Variants in VPS37A observed in about 807,000 individuals in gnomAD.
VPS37A encodes vacuolar protein sorting-associated protein 37A.
In VPS37A, 30 loss-of-function variants were observed where a neutral mutation model predicts 49.8. The ratio of observed to expected loss-of-function variants is 0.60; its 90% CI spans 0.45 to 0.82. VPS37A has a LOEUF of 0.82. Ranked by LOEUF, VPS37A falls within the 40% of genes least tolerant of loss-of-function variation. The pLI, the probability that VPS37A is intolerant of heterozygous loss-of-function variation, is 0.00. For synonymous variants in VPS37A, 195 were observed against 160.6 expected (o/e 1.21, Z -1.62); for missense variants, 593 against 464.4 (o/e 1.28, Z -2.55).
At chr8:17,273,427 CGCAATCTCGGCTCACT>C (rs1372893200) in intron 4 of VPS37A, among the ~76,000 whole-genome samples, 1 of 152,104 alleles carries the variant, frequency 6.6e-6, no homozygotes, top group Admixed American at 6.5e-5. Context: ...AGTGCAGTGG[CGCAATCTCGGCTCACT>C]GCAAGCTCGG....
At chr8:17,282,777 T>G (rs1002920042) in intron 9 of VPS37A, among the ~76,000 whole-genome samples, 6 of 151,974 alleles carry the variant, frequency 3.9e-5, no homozygotes, top group African/African-American at 1.4e-4. Flanking sequence ...AAACAATGAT[T>G]CCTAGGCTTC....
At chr8:17,309,168 G>A in the VPS37A span, 5 of 731,898 alleles carry the variant, frequency 6.8e-6, no homozygotes, top group Non-Finnish European at 9.4e-6. Context: ...TTCTGAATAA[G>A]AGACACAAAC....
intron 1 of VPS37A, chr8:17,247,966 G>A (rs1368579410): frequency 3.5e-6 from 2 of 579,458 alleles, no homozygotes; most frequent in Admixed American, 6.4e-5. Flanking sequence ...TTCTTTCATA[G>A]TCTTGTCCCC....
the VPS37A span, chr8:17,331,366 A>T: frequency 2.7e-5 from 37 of 1,376,726 alleles, no homozygotes; most frequent in Non-Finnish European, 3.6e-5. Context: ...ATGGATACCC[A>T]ATCAAAGCAT....
chr8:17,309,258 A>G, the VPS37A span: 1 of 1,439,182 alleles, frequency 6.9e-7, no homozygotes. Context: ...CATTCAAAAC[A>G]GTCTTAAATA....
the VPS37A span, chr8:17,311,620 C>T: frequency 1.2e-6 from 2 of 1,614,092 alleles, no homozygotes; most frequent in South Asian, 1.1e-5. Context: ...CACACTTGCC[C>T]CTTCCTCTGA....
chr8:17,292,801 A>G (rs748720726), intron 11 of VPS37A, among the ~76,000 whole-genome samples: 1 of 152,184 alleles, frequency 6.6e-6, no homozygotes, highest in African/African-American at 2.4e-5. Flanking sequence ...CTTCTGGCTT[A>G]TAGGGTTTCT....
chr8:17,265,805 T>G, intron 1 of VPS37A, 102 bp from the exon 2 acceptor site: 1 of 1,585,030 alleles, frequency 6.3e-7, no homozygotes, highest in Non-Finnish European at 8.6e-7. Context: ...ATTCTGTGAT[T>G]AAAAATAAAG....
chr8:17,307,373 AAGTC>A (rs1270327704), downstream of VPS37A, among the ~76,000 whole-genome samples: 2 of 152,206 alleles, frequency 1.3e-5, no homozygotes, highest in Admixed American at 6.5e-5. Flanking sequence ...GATCATTAAA[AAGTC>A]AGGAAACAAC....
chr8:17,271,530 C>T (rs377180191), intron 4 of VPS37A, among the ~76,000 whole-genome samples: 75 of 152,008 alleles, frequency 4.9e-4, no homozygotes, highest in South Asian at 2.1e-3. Context: ...GGCGTGAACC[C>T]GGGAGGAAGA....
intron 5 of VPS37A, among the ~76,000 whole-genome samples, chr8:17,275,178 G>A (rs1814398729): frequency 6.6e-6 from 1 of 152,162 alleles, no homozygotes. Context: ...TTTTGGTAGA[G>A]ACACAGTTAG....
At chr8:17,327,668 A>T in the VPS37A span, among the ~76,000 whole-genome samples, 18 of 152,126 alleles carry the variant, frequency 1.2e-4, no homozygotes, top group Admixed American at 8.5e-4. Context: ...TCTAAACCAA[A>T]TATATTATGT....
chr8:17,320,780 G>A, the VPS37A span, among the ~76,000 whole-genome samples: 8 of 152,062 alleles, frequency 5.3e-5, no homozygotes, highest in East Asian at 1.9e-4. Context: ...CTATGCACGC[G>A]GCCCTGAAAC....
chr8:17,306,832 CA>C (rs1208557070), downstream of VPS37A, among the ~76,000 whole-genome samples: 5 of 152,138 alleles, frequency 3.3e-5, no homozygotes, highest in African/African-American at 1.2e-4. Flanking sequence ...CTAGGCTAGC[CA>C]TATGTAGAAA....
intron 1 of VPS37A, among the ~76,000 whole-genome samples, chr8:17,250,642 AC>A (rs1585907909): frequency 6.6e-6 from 1 of 152,144 alleles, no homozygotes; most frequent in African/African-American, 2.4e-5. Context: ...TCCAACTCTT[AC>A]AATTTTTAAC....
At chr8:17,291,430 A>ATTT (rs34051181) in intron 11 of VPS37A, among the ~76,000 whole-genome samples, 2 of 129,032 alleles carry the variant, frequency 1.6e-5, no homozygotes, top group Admixed American at 7.8e-5. Context: ...GGATTCATTG[A>ATTT]TTTTTTTTTT....
chr8:17,259,894 C>G, intron 1 of VPS37A, among the ~76,000 whole-genome samples: 1 of 152,092 alleles, frequency 6.6e-6, no homozygotes, highest in Non-Finnish European at 1.5e-5. Context: ...GCTGCTCCTG[C>G]TCCTTTTGGT....
At chr8:17,311,386 C>A in the VPS37A span, 2 of 1,264,262 alleles carry the variant, frequency 1.6e-6, no homozygotes, top group African/African-American at 1.5e-5. Context: ...CCCCTTTAAT[C>A]TTGCTGAGCT....
chr8:17,332,360 C>A, the VPS37A span, among the ~76,000 whole-genome samples: 4 of 152,188 alleles, frequency 2.6e-5, no homozygotes, highest in Admixed American at 2.0e-4. Flanking sequence ...AGTACCAGCA[C>A]ATAAAAATAG....
Sources: allele counts gnomAD v4.1 joint callset (sites outside exome capture counted in the v4.1 genomes callset), GRCh38; gene constraint gnomAD v4.1.1; transcripts MANE v1.5; gene names NCBI Gene and HGNC (gene_info 2026-07-23, HGNC 2026-07-21).